Variants in MAMDC2 observed in about 807,000 individuals in gnomAD.
The protein encoded by MAMDC2 is MAM domain-containing protein 2.
A neutral mutation model predicts 89.8 loss-of-function variants in MAMDC2; 57 were observed. That is an observed-to-expected ratio of 0.63 (90% CI 0.51 to 0.79). The LOEUF is 0.79. Among genes scored for constraint, MAMDC2 ranks in the 30% least tolerant of loss-of-function variants. The pLI, the probability that MAMDC2 is intolerant of heterozygous loss-of-function variation, is 0.00. For missense variants in MAMDC2, 800 were observed against 820.6 expected (o/e 0.97, Z 0.31); for synonymous variants, 313 against 293.4 (o/e 1.07, Z -0.68).
chr9:70,194,049 T>C (rs1345957430), intron 11 of MAMDC2: 2 of 152,060 alleles, frequency 1.3e-5, no homozygotes, highest in Non-Finnish European at 2.9e-5. Context: ...CAATACATCA[T>C]CATATGTAGC....
At position 70,069,719 on chromosome 9, in the gene MAMDC2, C is replaced by T. The variant is rs564248159; in HGVS notation, c.148+25022C>T. Reference sequence around the variant, plus strand: ...GTCAATATTTAGCATTGGTCCCTATCCACACTTTAGCACCTGGGAGGGAAT... The same window carrying T: ...GTCAATATTTAGCATTGGTCCCTATTCACACTTTAGCACCTGGGAGGGAAT... On this transcript the variant is annotated intron_variant, in intron 2 of 13. Coordinates refer to ENST00000377182, the MANE Select transcript of MAMDC2 (RefSeq NM_153267.5). Among the ~76,000 whole-genome samples the T allele has an allele frequency of 1.6e-3, 251 of 152,266 alleles. 1 individual carries two copies. The highest frequency in any genetic ancestry group is 5.9e-3 in the African/African-American group (245 of 41,554).
chr9:70,084,500 C>T (rs537603017), intron 2 of MAMDC2, among the ~76,000 whole-genome samples: 16 of 152,162 alleles, frequency 1.1e-4, no homozygotes, highest in Admixed American at 2.6e-4. Flanking sequence ...CACAATCACA[C>T]GCTAGATAGG....
intron 6 of MAMDC2, among the ~76,000 whole-genome samples, chr9:70,129,592 G>A (rs2030706199): frequency 6.6e-6 from 1 of 152,202 alleles, no homozygotes; most frequent in South Asian, 2.1e-4. Context: ...GAAGCCTAGA[G>A]GTCAAATCTA....
chr9:70,208,672 T>A (rs1333355762), intron 11 of MAMDC2, among the ~76,000 whole-genome samples: 1 of 152,208 alleles, frequency 6.6e-6, no homozygotes, highest in Non-Finnish European at 1.5e-5. Flanking sequence ...AACACTATGC[T>A]GAATAGGAGT....
chr9:70,095,616 A>C (rs1157525388), intron 2 of MAMDC2, among the ~76,000 whole-genome samples: 1 of 152,182 alleles, frequency 6.6e-6, no homozygotes, highest in Admixed American at 6.5e-5. Context: ...TGCCTATGGC[A>C]TGTCCATGTG....
rs117616950 is a variant in MAMDC2, at chr9:70,099,423, C to T, written c.149-8788C>T. Among the ~76,000 whole-genome samples the T allele has an allele frequency of 4.4e-3, 670 of 152,244 alleles. 7 individuals carry two copies. The highest frequency in any genetic ancestry group is 8.3e-3 in the Non-Finnish European group (565 of 68,026). ...TCAAAATGTAAGCTGATGGCTTATA[C>T]ATAATTGAGGATGCAGTTCCACAGA... is the stretch of plus-strand genomic sequence containing the variant. On this transcript the variant is annotated intron_variant, in intron 2 of 13. Coordinates refer to ENST00000377182, the MANE Select transcript of MAMDC2 (RefSeq NM_153267.5).
intron 9 of MAMDC2, among the ~76,000 whole-genome samples, chr9:70,149,997 G>A (rs933891707): frequency 2.0e-5 from 3 of 152,088 alleles, no homozygotes; most frequent in African/African-American, 7.2e-5. Flanking sequence ...ATACAGCTGG[G>A]CAGCAACAGA....
Position 70,218,338 on chromosome 9 carries a change from C to T in MAMDC2, c.1653C>T (p.Gly551=). 6.2e-7 allele frequency: 1 copy of T among 1,610,192 alleles called. No individual in the cohort carries two copies. The highest frequency in any genetic ancestry group is 8.5e-7 in the Non-Finnish European group (1 of 1,177,328). ...ACCTGCTTTTGCATTCACCTCAAGG[C>T]TACTACATGTACATTGAGGCCTCCC... The part of the protein sequence containing the change: ...GPKGDHTTGV[G]YYMYIEASHM... The change falls in exon 12 of 14, where the codon GGC becomes GGT. Residue 551 remains glycine (G), a splice_region_variant and synonymous_variant. Transcript: ENST00000377182.
In MAMDC2 at chr9:70,143,654, T is replaced by C. The variant is rs144195248; in HGVS notation, c.1239T>C (p.Arg413=). The C allele has an allele frequency of 1.6e-4, 262 of 1,614,160 alleles. 2 individuals carry two copies. In the African/African-American group the frequency reaches 3.2e-3, roughly 20 times the overall value. Residue 413 remains arginine, a synonymous_variant, in exon 9 of 14, where the codon CGT becomes CGC. Coordinates refer to ENST00000377182, the MANE Select transcript of MAMDC2 (RefSeq NM_153267.5). ...CAGGAAACTTGCAGTATTGTCTGCGTTTTCATTATGCCATCTATGGATTTT... is the reference window on the plus strand; with the variant it reads ...CAGGAAACTTGCAGTATTGTCTGCGCTTTCATTATGCCATCTATGGATTTT... ...SLPGNLQYCL[R]FHYAIYGFLK... is the part of the protein sequence containing the mutation.
At chr9:70,140,755 G>A (rs555306821) in intron 8 of MAMDC2, among the ~76,000 whole-genome samples, 156 of 152,224 alleles carry the variant, frequency 1.0e-3, no homozygotes, top group African/African-American at 3.0e-3. Context: ...TCAAAATGCC[G>A]CTGAATTGTG....
intron 11 of MAMDC2, among the ~76,000 whole-genome samples, chr9:70,179,871 T>A (rs1331182422): frequency 1.9e-5 from 1 of 51,296 alleles, no homozygotes. Flanking sequence ...GATAAAATAT[T>A]CCTTTTTTTT....
At chr9:70,180,726 ATTTG>A (rs1322829138) in intron 11 of MAMDC2, among the ~76,000 whole-genome samples, 1 of 152,060 alleles carries the variant, frequency 6.6e-6, no homozygotes, top group African/African-American at 2.4e-5. Flanking sequence ...TTTCTTGTAA[ATTTG>A]TTTAAGTTCA....
chr9:70,137,360 T>C (rs1188004386), intron 7 of MAMDC2, among the ~76,000 whole-genome samples: 1 of 152,180 alleles, frequency 6.6e-6, no homozygotes, highest in African/African-American at 2.4e-5. Flanking sequence ...TATTTTATAA[T>C]CAAACACATT....
chr9:70,218,587 G>A lies in MAMDC2; in HGVS notation c.1902G>A (p.Arg634=). 1 of 1,604,486 alleles carries A rather than the reference G, an allele frequency of 6.2e-7. No individual in the cohort carries two copies. The highest frequency in any genetic ancestry group is 8.5e-7 in the Non-Finnish European group (1 of 1,173,386). Residue 634 remains arginine, a synonymous_variant, in exon 12 of 14, where the codon AGG becomes AGA. Coordinates refer to ENST00000377182, the MANE Select transcript of MAMDC2 (RefSeq NM_153267.5). ...LRALIEYSCE[R]QHQIIFEAIR... is the part of the protein sequence containing the mutation. ...CACTGATTGAATACAGCTGTGAGAGGCAACACCAGGTAAGCCAACAGAGAT... is the reference window on the plus strand; with the variant it reads ...CACTGATTGAATACAGCTGTGAGAGACAACACCAGGTAAGCCAACAGAGAT...
intron 2 of MAMDC2, among the ~76,000 whole-genome samples, chr9:70,096,413 C>T (rs1828028508): frequency 6.6e-6 from 1 of 152,202 alleles, no homozygotes. Context: ...CATTGCAACT[C>T]CAGTCCATCG....
intron 2 of MAMDC2, among the ~76,000 whole-genome samples, chr9:70,101,207 T>C (rs893347149): frequency 4.6e-5 from 7 of 152,240 alleles, no homozygotes; most frequent in Admixed American, 2.0e-4. Context: ...ATAATAAGGA[T>C]ATAAGGAAAG....
chr9:70,101,449 C>T (rs1828193989), intron 2 of MAMDC2, among the ~76,000 whole-genome samples: 1 of 152,154 alleles, frequency 6.6e-6, no homozygotes, highest in Non-Finnish European at 1.5e-5. Context: ...CCTTCACATT[C>T]CCTCCCTGCT....
intron 2 of MAMDC2, among the ~76,000 whole-genome samples, chr9:70,073,881 A>G (rs1473738847): frequency 6.6e-6 from 1 of 152,188 alleles, no homozygotes; most frequent in Non-Finnish European, 1.5e-5. Flanking sequence ...GATTACTTCA[A>G]CATGTAAACA....
At chr9:70,115,018 GGA>G (rs2029905634) in intron 5 of MAMDC2, among the ~76,000 whole-genome samples, 1 of 152,140 alleles carries the variant, frequency 6.6e-6, no homozygotes. Flanking sequence ...GTGGATGGTG[GGA>G]GAGATGTGGC....
Sources: gnomAD v4.1 joint callset for allele counts (sites outside exome capture counted in the v4.1 genomes callset) on GRCh38, gnomAD v4.1.1 for gene constraint, MANE v1.5 for transcripts, NCBI Gene and HGNC (gene_info 2026-07-23, HGNC 2026-07-21) for gene names.